CD72: variants seen among roughly 807,000 people sequenced by gnomAD.
The protein encoded by CD72 is B-cell differentiation antigen CD72.
Under a neutral mutation model 50.7 loss-of-function variants are expected in CD72, and 28 were observed. The observed-to-expected ratio is 0.55, with a 90% CI of 0.41 to 0.76. The LOEUF (loss-of-function observed/expected upper bound fraction) is 0.76, where lower values mean the gene tolerates loss of function less well. CD72 is among the 30% of genes least tolerant of loss of function. CD72 has a pLI of 0.00. For missense variants in CD72, 403 were observed against 420.6 expected, an observed-to-expected ratio of 0.96 and a Z score of 0.37; for synonymous variants, 176 against 171.2, an observed-to-expected ratio of 1.03 and a Z score of -0.22.
intron 1 of CD72, among the ~76,000 whole-genome samples, chr9:35,628,877 T>G (rs1823219527): frequency 6.6e-6 from 1 of 152,116 alleles, no homozygotes; most frequent in Non-Finnish European, 1.5e-5. Flanking sequence ...TATCTTTTTT[T>G]GTTTTTTGTT....
At chr9:35,645,631 T>C (rs1823385374) in intron 1 of CD72, among the ~76,000 whole-genome samples, 1 of 152,098 alleles carries the variant, frequency 6.6e-6, no homozygotes, top group African/African-American at 2.4e-5. Flanking sequence ...ATGCATTGTA[T>C]GCGTATATCA....
chr9:35,619,964 C>A (rs1357602583), upstream of CD72, among the ~76,000 whole-genome samples: 2 of 151,922 alleles, frequency 1.3e-5, no homozygotes, highest in Non-Finnish European at 2.9e-5. Flanking sequence ...CCTAGACCTT[C>A]CCCCAGATAC....
chr9:35,617,048 CG>C, intron 3 of CD72, 127 bp downstream of exon 3: 2 of 1,474,982 alleles, frequency 1.4e-6, no homozygotes, highest in Non-Finnish European at 1.8e-6. Context: ...CACGGCAGCC[CG>C]GGCGTCGGAA....
chr9:35,636,658 A>T (rs1823292547), intron 1 of CD72, among the ~76,000 whole-genome samples: 1 of 152,244 alleles, frequency 6.6e-6, no homozygotes, highest in Non-Finnish European at 1.5e-5. Context: ...GTAATTTCTT[A>T]AGAACTTTCT....
chr9:35,636,076 G>T (rs757371038), intron 1 of CD72, among the ~76,000 whole-genome samples: 10 of 152,040 alleles, frequency 6.6e-5, no homozygotes, highest in Non-Finnish European at 1.2e-4. Context: ...TTTCCCCTAT[G>T]CTAGGATTTC....
chr9:35,621,730 G>A (rs540040669), upstream of CD72, among the ~76,000 whole-genome samples: 3 of 152,334 alleles, frequency 2.0e-5, no homozygotes, highest in South Asian at 6.2e-4. Context: ...TTCGGTGAGG[G>A]AAGGAGGGCC....
intron 1 of CD72, among the ~76,000 whole-genome samples, chr9:35,628,328 C>T (rs879511415): frequency 6.6e-6 from 1 of 152,230 alleles, no homozygotes; most frequent in African/African-American, 2.4e-5. Flanking sequence ...CGTGGTGGCT[C>T]ACGCCTGTAA....
Position 35,632,484 on chromosome 9 carries a change from T to C in CD72, n.408+13919A>G, listed in dbSNP as rs187520630. 1.8e-3 allele frequency among the ~76,000 whole-genome samples: 273 copies of C among 151,680 alleles called. 1 individual carries two copies. Among genetic ancestry groups the C allele is most frequent in the African/African-American group, 6.4e-3 (264 of 41,364 alleles). On this transcript the variant is annotated intron_variant and non_coding_transcript_variant, in intron 1 of 3. Coordinates refer to the CD72 transcript ENST00000465754. ...TGTGCCCGGCCTTCTCCTCTATTTG[T>C]AAGAATGTTTTCTTTCTCATAACTA... is the stretch of plus-strand genomic sequence containing the variant.
intron 1 of CD72, among the ~76,000 whole-genome samples, chr9:35,635,981 AG>A (rs1272694056): frequency 2.0e-5 from 3 of 152,320 alleles, no homozygotes; most frequent in Non-Finnish European, 2.9e-5. Flanking sequence ...ACTTAAAGCC[AG>A]GAAGTGTTGA....
intron 1 of CD72, among the ~76,000 whole-genome samples, chr9:35,636,955 C>G (rs1823296259): frequency 6.6e-6 from 1 of 152,220 alleles, no homozygotes; most frequent in South Asian, 2.1e-4. Flanking sequence ...TAACATTCCA[C>G]CATTGTGATT....
At chr9:35,640,916 C>T (rs560850758) in intron 1 of CD72, among the ~76,000 whole-genome samples, 25 of 152,344 alleles carry the variant, frequency 1.6e-4, no homozygotes, top group Admixed American at 6.5e-4. Context: ...TCTTTACCTC[C>T]TGTTTTTGCC....
At chr9:35,639,295 T>G (rs1235516067) in intron 1 of CD72, among the ~76,000 whole-genome samples, 1 of 152,180 alleles carries the variant, frequency 6.6e-6, no homozygotes, top group East Asian at 1.9e-4. Context: ...AACTTGCTTT[T>G]GACATCTCAA....
chr9:35,621,053 G>A (rs770847253), upstream of CD72, among the ~76,000 whole-genome samples: 1 of 152,144 alleles, frequency 6.6e-6, no homozygotes, highest in African/African-American at 2.4e-5. Flanking sequence ...GTGTCACTTG[G>A]GGTCTTTACA....
intron 1 of CD72, among the ~76,000 whole-genome samples, chr9:35,646,116 T>C (rs1229019821): frequency 6.6e-6 from 1 of 150,742 alleles, no homozygotes; most frequent in Non-Finnish European, 1.5e-5. Flanking sequence ...GCCGAGATCG[T>C]GCCATTGCAC....
rs1823062728 is a variant in CD72 at position 35,616,237 on chromosome 9, G to C, written c.394C>G (p.Leu132Val). The C allele has an allele frequency of 5.6e-6, 9 of 1,614,098 alleles. No homozygotes were observed. Among genetic ancestry groups the C allele is most frequent in the Middle Eastern group, 3.3e-4 (2 of 6,062 alleles). ...CTCAGGCTGCTGTTAGTGACTTCCA[G>C]AACCCTGTTCGTCTGCTGGAGCTGC... ...SQQLQQTNRV[L>V]EVTNSSLRQQ... The change falls in exon 5 of 9, where the codon CTG becomes GTG. Residue 132 changes from leucine to valine, a missense_variant. Transcript: ENST00000259633.
At chr9:35,639,631 G>A (rs1005962364) in intron 1 of CD72, among the ~76,000 whole-genome samples, 1 of 152,178 alleles carries the variant, frequency 6.6e-6, no homozygotes, top group Admixed American at 6.5e-5. Flanking sequence ...AGAAAAAAGA[G>A]GTCATCTGTC....
intron 7 of CD72, among the ~76,000 whole-genome samples, chr9:35,611,131 G>A (rs1822976511): frequency 6.6e-6 from 1 of 152,106 alleles, no homozygotes. Context: ...TGCGCCTGTA[G>A]TCCCAGCTGC....
chr9:35,620,914 C>A (rs1189584367), upstream of CD72, among the ~76,000 whole-genome samples: 2 of 152,188 alleles, frequency 1.3e-5, no homozygotes, highest in Admixed American at 6.5e-5. Flanking sequence ...TATTTTTCTC[C>A]TCTTTAGCTC....
chr9:35,620,605 C>T (rs1242403984), upstream of CD72, among the ~76,000 whole-genome samples: 1 of 151,962 alleles, frequency 6.6e-6, no homozygotes, highest in Non-Finnish European at 1.5e-5. Flanking sequence ...CTGAGGTGGG[C>T]GGATCACCTG....
Sources: allele counts gnomAD v4.1 joint callset (sites outside exome capture counted in the v4.1 genomes callset), GRCh38; gene constraint gnomAD v4.1.1; transcripts MANE v1.5; gene names NCBI Gene and HGNC (gene_info 2026-07-23, HGNC 2026-07-21).